RREB1: variants seen among roughly 807,000 people sequenced by gnomAD.
The protein encoded by RREB1 is ras-responsive element-binding protein 1.
A neutral mutation model predicts 117.8 loss-of-function variants in RREB1; 27 were observed. The ratio of observed to expected loss-of-function variants is 0.23; its 90% confidence interval spans 0.17 to 0.32. The LOEUF is 0.32. Among genes scored for constraint, RREB1 ranks in the 10% least tolerant of loss-of-function variants. The pLI, the probability that RREB1 is intolerant of heterozygous loss-of-function variation, is 1.00. For synonymous variants in RREB1, 1,298 were observed against 1,026.7 expected (o/e 1.26, Z -5.05); for missense variants, 2,577 against 2,378.2 (o/e 1.08, Z -1.74).
At position 7,246,970 on chromosome 6, in the gene RREB1, T is replaced by A; in HGVS notation, c.4520T>A (p.Val1507Glu). 1 of 1,553,208 alleles carries A rather than the reference T, an allele frequency of 6.4e-7. No homozygotes were observed. The highest frequency in any genetic ancestry group is 8.7e-7 in the Non-Finnish European group (1 of 1,151,420). The part of the protein sequence containing the change: ...EEKPPETPAE[V>E]VESAPGAGEA... The stretch of plus-strand genomic sequence containing the variant: ...AAGCCCCCCGAGACCCCGGCAGAGG[T>A]GGTGGAGTCGGCCCCGGGTGCCGGG... The change falls in exon 12 of 13, where the codon GTG becomes GAG. Residue 1507 changes from valine to glutamate, a missense_variant. Val to Glu is a moderately radical substitution (Grantham distance 121). Coordinates refer to ENST00000379938, the MANE Select transcript of RREB1 (RefSeq NM_001003699.4).
chr6:7,248,030 C>T (rs1352905063), intron 12 of RREB1, among the ~76,000 whole-genome samples: 1 of 152,204 alleles, frequency 6.6e-6, no homozygotes, highest in Non-Finnish European at 1.5e-5. Flanking sequence ...TCTTGGGCTC[C>T]CAACAAGCGT....
chr6:7,136,080 A>G (rs969447068), intron 1 of RREB1, among the ~76,000 whole-genome samples: 5 of 152,160 alleles, frequency 3.3e-5, no homozygotes, highest in Non-Finnish European at 7.3e-5. Flanking sequence ...ATGTCTGAGG[A>G]GGTGATCAGG....
intron 1 of RREB1, among the ~76,000 whole-genome samples, chr6:7,159,735 A>C (rs1204355191): frequency 6.6e-6 from 1 of 152,210 alleles, no homozygotes; most frequent in African/African-American, 2.4e-5. Context: ...AAAGCCTGCC[A>C]GTCTCCTTAA....
chr6:7,228,310 G>A (rs1025253335), intron 9 of RREB1, among the ~76,000 whole-genome samples: 2 of 151,878 alleles, frequency 1.3e-5, no homozygotes, highest in African/African-American at 2.4e-5. Flanking sequence ...CCTCAGTTTT[G>A]CAAGGCACCC....
At chr6:7,240,768 G>C (rs1768658173) in intron 11 of RREB1, among the ~76,000 whole-genome samples, 166 bp downstream of exon 11, 1 of 152,206 alleles carries the variant, frequency 6.6e-6, no homozygotes, top group Non-Finnish European at 1.5e-5. Context: ...GCTGATGATT[G>C]GGAGGGAGTA....
At chr6:7,172,665 C>T (rs879773236) in intron 1 of RREB1, among the ~76,000 whole-genome samples, 1 of 151,540 alleles carries the variant, frequency 6.6e-6, no homozygotes, top group African/African-American at 2.4e-5. Context: ...CTTACCAAAG[C>T]CTGTGCCAGC....
At chr6:7,139,305 T>G (rs1388632845) in intron 1 of RREB1, 1 of 152,192 alleles carries the variant, frequency 6.6e-6, no homozygotes, top group Non-Finnish European at 1.5e-5. Context: ...GTTTGTAAGT[T>G]GAAATTTTAT....
chr6:7,112,339 CAA>C (rs1408775796), intron 1 of RREB1, among the ~76,000 whole-genome samples: 1 of 152,052 alleles, frequency 6.6e-6, no homozygotes, highest in Admixed American at 6.6e-5. Context: ...TGTTGTAAGC[CAA>C]AAGTTTCCCT....
At chr6:7,184,229 G>A (rs1047870356) in intron 4 of RREB1, among the ~76,000 whole-genome samples, 1 of 151,744 alleles carries the variant, frequency 6.6e-6, no homozygotes, top group African/African-American at 2.4e-5. Flanking sequence ...CTCTCTTCCA[G>A]TATCACAGTG....
Position 7,231,792 on chromosome 6 carries a change from G to A in RREB1, c.3693G>A (p.Leu1231=). 6.2e-7 allele frequency: 1 copy of A among 1,613,768 alleles called. No homozygotes were observed. The highest frequency in any genetic ancestry group is 1.7e-5 in the Admixed American group (1 of 60,026). ...EEQGSPPEDK[L]LRAKRNSYTN... is the part of the protein sequence containing the mutation. The stretch of plus-strand genomic sequence containing the variant: ...AGGGCAGTCCCCCAGAAGACAAGCT[G>A]CTGAGGGCCAAGCGGAACTCGTACA... Residue 1231 remains leucine (L), a synonymous_variant, in exon 10 of 13, where the codon CTG becomes CTA. Coordinates refer to ENST00000379938, the MANE Select transcript of RREB1 (RefSeq NM_001003699.4).
Position 7,230,466 on chromosome 6 carries a change from C to T in RREB1, c.2367C>T (p.Pro789=), listed in dbSNP as rs763144707. The T allele has an allele frequency of 1.9e-6, 3 of 1,594,428 alleles. No homozygotes were observed. Among genetic ancestry groups the T allele is most frequent in the Non-Finnish European group, 2.5e-6 (3 of 1,177,322 alleles). ...GCGGGGGCCACAAGGGCCGCAAGCC[C>T]TTCGAGTGCAAGGAGTGCAGCGCCG... ...GLGGGHKGRK[P]FECKECSAAF... The change falls in exon 10 of 13, where the codon CCC becomes CCT. Residue 789 remains proline (P), a synonymous_variant. Transcript: ENST00000379938.
At chr6:7,140,426 C>A (rs1204280309) in intron 1 of RREB1, among the ~76,000 whole-genome samples, 1 of 152,090 alleles carries the variant, frequency 6.6e-6, no homozygotes, top group African/African-American at 2.4e-5. Flanking sequence ...TATTTCGTTT[C>A]TGGAGTTAGC....
At chr6:7,150,793 C>T (rs964622102) in intron 1 of RREB1, among the ~76,000 whole-genome samples, 4 of 152,184 alleles carry the variant, frequency 2.6e-5, no homozygotes, top group Non-Finnish European at 5.9e-5. Context: ...AGCTTGTCTT[C>T]GGTGCCTTGT....
At chr6:7,213,736 A>G (rs1004794135) in intron 8 of RREB1, 3 of 152,350 alleles carry the variant, frequency 2.0e-5, no homozygotes, top group African/African-American at 7.2e-5. Flanking sequence ...AGGGGACCCC[A>G]GCTCCTGCTC....
chr6:7,114,023 A>G (rs1418807781), intron 1 of RREB1, among the ~76,000 whole-genome samples: 1 of 152,216 alleles, frequency 6.6e-6, no homozygotes, highest in Non-Finnish European at 1.5e-5. Context: ...CCATTACCTT[A>G]GTCAAATTTT....
chr6:7,167,065 A>T (rs1763970999), intron 1 of RREB1, among the ~76,000 whole-genome samples: 1 of 152,184 alleles, frequency 6.6e-6, no homozygotes, highest in Non-Finnish European at 1.5e-5. Context: ...GCCATGCTGT[A>T]TTCAGGTGCT....
At chr6:7,132,255 A>G (rs1258960425) in intron 1 of RREB1, among the ~76,000 whole-genome samples, 2 of 151,950 alleles carry the variant, frequency 1.3e-5, no homozygotes, top group African/African-American at 2.4e-5. Context: ...GGGTTTCATC[A>G]TGTTGGTCAG....
rs1768640427 is a variant in RREB1, at chr6:7,240,529, C to T, written c.3900C>T (p.Thr1300=). The T allele has an allele frequency of 6.2e-7, 1 of 1,613,860 alleles. No homozygotes were observed. The highest frequency in any genetic ancestry group is 1.1e-5 in the South Asian group (1 of 91,078). Residue 1300 remains threonine, a synonymous_variant, in exon 11 of 13, where the codon ACC becomes ACT. Transcript: ENST00000379938. ...ERHQLRKHGV[T]TCSLRRNGLI... Reference sequence around the variant, plus strand: ...ACCAGTTGCGCAAACACGGAGTTACCACCTGTTCCCTGAGAAGAAACGGGC... The same window carrying T: ...ACCAGTTGCGCAAACACGGAGTTACTACCTGTTCCCTGAGAAGAAACGGGC...
At chr6:7,198,750 C>T (rs1765791439) in intron 6 of RREB1, among the ~76,000 whole-genome samples, 1 of 152,102 alleles carries the variant, frequency 6.6e-6, no homozygotes, top group East Asian at 1.9e-4. Context: ...ATTTAGAAAG[C>T]TTTTCTTTAA....
Sources: allele counts gnomAD v4.1 joint callset (sites outside exome capture counted in the v4.1 genomes callset), GRCh38; gene constraint gnomAD v4.1.1; transcripts MANE v1.5; gene names NCBI Gene and HGNC (gene_info 2026-07-23, HGNC 2026-07-21).